MPP3: variants seen among roughly 807,000 people sequenced by gnomAD.
MPP3 encodes MAGUK p55 subfamily member 3.
Under a neutral mutation model 80.7 loss-of-function variants are expected in MPP3, and 48 were observed. The observed-to-expected ratio is 0.59, with a 90% CI of 0.47 to 0.76. The LOEUF is 0.76. MPP3 is among the 30% of genes least tolerant of loss of function. The probability of loss-of-function intolerance (pLI) is 0.00; values close to 1 mark genes in which losing one functional copy is unlikely to be tolerated. For synonymous variants in MPP3, 311 were observed against 297.6 expected (o/e 1.04, Z -0.46); for missense variants, 620 against 763.0 (o/e 0.81, Z 2.21).
At chr17:43,816,935 G>A (rs1361347666) in intron 12 of MPP3, among the ~76,000 whole-genome samples, 3 of 152,242 alleles carry the variant, frequency 2.0e-5, no homozygotes, top group African/African-American at 7.2e-5. Context: ...CAGTGGCACA[G>A]CAGCCTCAAG....
rs2046035615 is a variant in MPP3, at chr17:43,832,836, A to C, written c.-96-17T>G. ...CGAAGGAACCTGTGGGAGAACAAGGAGCGCACTGGGCGCAGGAGCAGCGAC... is the reference window on the plus strand; with the variant it reads ...CGAAGGAACCTGTGGGAGAACAAGGCGCGCACTGGGCGCAGGAGCAGCGAC... On this transcript the variant is annotated splice_polypyrimidine_tract_variant and intron_variant, in intron 1 of 19. Transcript: ENST00000398389. 6.6e-6 allele frequency: 1 copy of C among 152,412 alleles called. No individual in the cohort carries two copies. The highest frequency in any genetic ancestry group is 6.5e-5 in the Admixed American group (1 of 15,278). The allele number at this position is 152,412 out of a possible 1,614,324, so 9.4% of individuals were successfully genotyped here.
Position 43,801,821 on chromosome 17 carries a change from C to G in MPP3, c.1638G>C (p.Gly546=). ...TCACCAGCACGGCGTCTACCAGGTG[C>G]CCGTAATGCCGGTCTATGAAGGCGG... ...ASAAFIDRHY[G]HLVDAVLVKE... Residue 546 remains glycine, a synonymous_variant, in exon 20 of 20, where the codon GGG becomes GGC. Transcript: ENST00000398389. 1 of 1,614,078 alleles carries G rather than the reference C, an allele frequency of 6.2e-7. No individual in the cohort carries two copies. The highest frequency in any genetic ancestry group is 1.1e-5 in the South Asian group (1 of 91,076).
chr17:43,810,431 G>A (rs1052949374), intron 18 of MPP3, among the ~76,000 whole-genome samples: 2 of 152,094 alleles, frequency 1.3e-5, no homozygotes, highest in African/African-American at 4.8e-5. Flanking sequence ...TGGTTGGGGA[G>A]GGGGAGGCCT....
intron 12 of MPP3, chr17:43,817,844 A>G: frequency 5.4e-6 from 2 of 368,030 alleles, no homozygotes; most frequent in Non-Finnish European, 5.1e-6. Context: ...TCATCTATGG[A>G]CTCCAAATAT....
chr17:43,810,999 T>A, intron 17 of MPP3, 84 bp from the exon 18 acceptor site: 1 of 1,425,008 alleles, frequency 7.0e-7, no homozygotes, highest in Non-Finnish European at 9.8e-7. Flanking sequence ...CCAACATGAC[T>A]TCTCTCCCGC....
chr17:43,804,004 TAAC>T (rs915674334), intron 19 of MPP3, among the ~76,000 whole-genome samples: 5 of 152,120 alleles, frequency 3.3e-5, no homozygotes, highest in Non-Finnish European at 7.4e-5. Flanking sequence ...TCTCTTGAAA[TAAC>T]AACCATGGGC....
rs1169498345 is a variant in MPP3, at chr17:43,823,935, C to T, written c.680G>A (p.Ser227Asn). Residue 227 changes from serine (S) to asparagine (N), a missense_variant, in exon 10 of 20, where the codon AGC (serine) becomes AAC (asparagine). Transcript: ENST00000398389. Reference sequence around the variant, plus strand: ...CGCGGACCCACCTCCCCATACCTTGCTCTCCTTTAAGCGATCTTCCTCCTG... The same window carrying T: ...CGCGGACCCACCTCCCCATACCTTGTTCTCCTTTAAGCGATCTTCCTCCTG... ...ATQEEDRLKE[S>N]KVFMRALFHY... 6.2e-7 allele frequency: 1 copy of T among 1,610,128 alleles called. No homozygotes were observed. The highest frequency in any genetic ancestry group is 1.3e-5 in the African/African-American group (1 of 74,676).
intron 11 of MPP3, among the ~76,000 whole-genome samples, chr17:43,818,428 G>A (rs1032565614): frequency 6.6e-6 from 1 of 152,144 alleles, no homozygotes; most frequent in African/African-American, 2.4e-5. Flanking sequence ...TCTAAGGAGA[G>A]GCAGCCCCTT....
rs779390672 is a variant in MPP3, at chr17:43,830,005, G to C, written c.303+22C>G. 1.5e-5 allele frequency: 24 copies of C among 1,606,170 alleles called. No individual in the cohort carries two copies. In the East Asian group the frequency reaches 5.3e-4, roughly 36 times the overall value. Reference sequence around the variant, plus strand: ...CCCAGGAGACCCAGAGGCATGGCTGGGCAGGGGCTCTGTGTGACTACCCTC... The same window carrying C: ...CCCAGGAGACCCAGAGGCATGGCTGCGCAGGGGCTCTGTGTGACTACCCTC... On this transcript the variant is annotated intron_variant, in intron 6 of 19. Coordinates refer to ENST00000398389, the MANE Select transcript of MPP3 (RefSeq NM_001932.6).
At chr17:43,815,318 C>T (rs2045062639) in intron 14 of MPP3, among the ~76,000 whole-genome samples, 1 of 152,082 alleles carries the variant, frequency 6.6e-6, no homozygotes, top group Non-Finnish European at 1.5e-5. Context: ...GGTAACAGAG[C>T]AAGACCATAT....
At chr17:43,816,866 AC>A (rs1430324925) in intron 12 of MPP3, among the ~76,000 whole-genome samples, 169 bp from the exon 13 acceptor site, 1 of 152,116 alleles carries the variant, frequency 6.6e-6, no homozygotes, top group African/African-American at 2.4e-5. Context: ...AAACCCCAAG[AC>A]CTGCTCTAAT....
At chr17:43,815,040 C>A (rs556446038) in intron 14 of MPP3, among the ~76,000 whole-genome samples, 2 of 152,114 alleles carry the variant, frequency 1.3e-5, no homozygotes, top group East Asian at 3.9e-4. Context: ...TACTTCAGGA[C>A]AAAAGTTAAG....
At chr17:43,829,877 C>T in intron 6 of MPP3, 86 bp from the exon 7 acceptor site, 1 of 1,592,002 alleles carries the variant, frequency 6.3e-7, no homozygotes, top group Non-Finnish European at 8.6e-7. Flanking sequence ...TGGAGGGTGG[C>T]AGACGCCATG....
chr17:43,822,678 T>TAAAAA lies in MPP3; in HGVS notation c.684+1248_684+1252dup, dbSNP rs56125167. ...AAATATAACTGCACCACTCCCATCCTAAAAAAAAAAAAAAAAGAGCTTATT... is the reference window on the plus strand; with the variant it reads ...AAATATAACTGCACCACTCCCATCCTAAAAAAAAAAAAAAAAAAAAAGAGCTTATT... On this transcript the variant is annotated intron_variant, in intron 10 of 19. Transcript: ENST00000398389. 6.4e-4 allele frequency among the ~76,000 whole-genome samples: 38 copies of TAAAAA among 59,064 alleles called. 1 individual carries two copies. The highest frequency in any genetic ancestry group is 2.7e-3 in the African/African-American group (30 of 11,320). The allele number at this position is 59,064 out of a possible 152,430, so 38.7% of individuals were successfully genotyped here. A position where few individuals can be genotyped will look rare whatever the true frequency, so the allele number is the denominator to read the frequency against.
At chr17:43,809,217 T>A in intron 18 of MPP3, 139 bp from the exon 19 acceptor site, 1 of 891,972 alleles carries the variant, frequency 1.1e-6, no homozygotes. Flanking sequence ...CCCATGACAA[T>A]GGACTTCAAC....
At chr17:43,828,001 T>C (rs2045796693) in intron 7 of MPP3, among the ~76,000 whole-genome samples, 169 bp from the exon 8 acceptor site, 1 of 152,174 alleles carries the variant, frequency 6.6e-6, no homozygotes, top group South Asian at 2.1e-4. Context: ...CCCCCATTAA[T>C]ATAGCCCTGC....
intron 16 of MPP3, 94 bp from the exon 17 acceptor site, chr17:43,811,299 G>T: frequency 1.1e-6 from 1 of 935,074 alleles, no homozygotes; most frequent in Non-Finnish European, 1.7e-6. Flanking sequence ...GGAGTTCACT[G>T]CTGCTGTGTC....
At chr17:43,814,773 T>G (rs1217500717) in intron 14 of MPP3, 1 of 157,298 alleles carries the variant, frequency 6.4e-6, no homozygotes, top group Non-Finnish European at 1.4e-5. Context: ...TATAACAGAT[T>G]TGGATACATT....
At chr17:43,822,916 G>A (rs1162298548) in intron 10 of MPP3, among the ~76,000 whole-genome samples, 4 of 152,132 alleles carry the variant, frequency 2.6e-5, no homozygotes, top group Non-Finnish European at 4.4e-5. Context: ...CCTGGCAGGA[G>A]TTGGTATATA....
Sources: allele counts gnomAD v4.1 joint callset (sites outside exome capture counted in the v4.1 genomes callset), GRCh38; gene constraint gnomAD v4.1.1; transcripts MANE v1.5; gene names NCBI Gene and HGNC (gene_info 2026-07-23, HGNC 2026-07-21).